MYOCD: variants seen among roughly 807,000 people sequenced by gnomAD.
MYOCD encodes the protein myocardin.
MYOCD carries 32 observed loss-of-function variants against 96.1 expected under a neutral mutation model. The ratio of observed to expected loss-of-function variants is 0.33; its 90% confidence interval spans 0.25 to 0.45. The LOEUF (loss-of-function observed/expected upper bound fraction) is 0.45, where lower values mean the gene tolerates loss of function less well. MYOCD is among the 20% of genes least tolerant of loss of function. The probability of loss-of-function intolerance (pLI) is 1.00; values close to 1 mark genes in which losing one functional copy is unlikely to be tolerated. For synonymous variants in MYOCD, 469 were observed against 469.0 expected (o/e 1.00, Z 0.00); for missense variants, 1,133 against 1,200.6 (o/e 0.94, Z 0.83).
chr17:12,666,011 G>T lies in MYOCD; in HGVS notation c.-178G>T, dbSNP rs928787729. The T allele has an allele frequency of 1.1e-5, 6 of 552,116 alleles. No homozygotes were observed. Among genetic ancestry groups the T allele is most frequent in the Admixed American group, 3.3e-5 (1 of 30,700 alleles). The allele number at this position is 552,116 out of a possible 1,614,324, so 34.2% of individuals were successfully genotyped here. A position where few individuals can be genotyped will look rare whatever the true frequency, so the allele number is the denominator to read the frequency against. Reference sequence around the variant, plus strand: ...GTTAATTAGCCCCGCACGGCGAGGGGGGAGGCGCCAGTTTTCTGGGGACAC... The same window carrying T: ...GTTAATTAGCCCCGCACGGCGAGGGTGGAGGCGCCAGTTTTCTGGGGACAC... On this transcript the variant is annotated 5_prime_UTR_variant, in exon 1 of 14. Coordinates refer to ENST00000425538, the MANE Select transcript of MYOCD (RefSeq NM_001146312.3).
rs1027096882 is a variant in MYOCD, at chr17:12,764,868, C to G, written c.*1224C>G. 6 of 152,170 alleles carry G rather than the reference C, an allele frequency of 3.9e-5. No individual in the cohort carries two copies. Among genetic ancestry groups the G allele is most frequent in the Non-Finnish European group, 4.4e-5 (3 of 68,038 alleles). 9.4% of individuals were successfully genotyped at this position (152,170 alleles called of 1,614,324 possible). Reference sequence around the variant, plus strand: ...CTGGAGAACTCATTCTCCACACGCACAGTTTGCTGCAAAAGGAAGTTGCAA... The same window carrying G: ...CTGGAGAACTCATTCTCCACACGCAGAGTTTGCTGCAAAAGGAAGTTGCAA... On this transcript the variant is annotated 3_prime_UTR_variant, in exon 14 of 14. Transcript: ENST00000425538.
intron 7 of MYOCD, among the ~76,000 whole-genome samples, chr17:12,741,714 TATAA>T (rs1567594462): frequency 2.8e-5 from 4 of 144,336 alleles, no homozygotes; most frequent in South Asian, 4.3e-4. Context: ...TGTATATATA[TATAA>T]AAAAAAAAAA....
In MYOCD at chr17:12,744,300, C is replaced by G. The variant is rs753122556; in HGVS notation, c.835C>G (p.Pro279Ala). 1 of 1,614,184 alleles carries G rather than the reference C, an allele frequency of 6.2e-7. No individual in the cohort carries two copies. The highest frequency in any genetic ancestry group is 8.5e-7 in the Non-Finnish European group (1 of 1,180,030). The part of the protein sequence containing the change: ...IPPDQKAEKS[P>A]PPMDSAYARL... Reference sequence around the variant, plus strand: ...CCCAGACCAGAAGGCAGAGAAGTCCCCTCCACCTATGGACTCAGCCTACGC... The same window carrying G: ...CCCAGACCAGAAGGCAGAGAAGTCCGCTCCACCTATGGACTCAGCCTACGC... Residue 279 changes from proline to alanine, a missense_variant, in exon 8 of 14, where the codon CCT becomes GCT. Physicochemically the swap from Pro to Ala is conservative, Grantham distance 27. Coordinates refer to ENST00000425538, the MANE Select transcript of MYOCD (RefSeq NM_001146312.3).
At chr17:12,755,668 T>C (rs557556033) in intron 10 of MYOCD, among the ~76,000 whole-genome samples, 51 of 152,124 alleles carry the variant, frequency 3.4e-4, no homozygotes, top group Non-Finnish European at 2.5e-4. Flanking sequence ...GGTCAGGAGA[T>C]AGAGACCAGC....
In MYOCD at chr17:12,763,543, G is replaced by A. The variant is rs370289662; in HGVS notation, c.2860G>A (p.Ala954Thr). Residue 954 changes from alanine (A) to threonine (T), a missense_variant, in exon 14 of 14, where the codon GCC (alanine) becomes ACC (threonine). Transcript: ENST00000425538. ...TPPNSTPGFS[A>T]LTTSSPSIFN... Reference sequence around the variant, plus strand: ...GCCAAATTCCACACCAGGCTTTAGCGCCCTCACCACCAGCAGCCCCAGCAT... The same window carrying A: ...GCCAAATTCCACACCAGGCTTTAGCACCCTCACCACCAGCAGCCCCAGCAT... 8.7e-6 allele frequency: 14 copies of A among 1,614,008 alleles called. No homozygotes were observed. The highest frequency in any genetic ancestry group is 4.0e-5 in the African/African-American group (3 of 74,920).
intron 1 of MYOCD, among the ~76,000 whole-genome samples, chr17:12,669,355 C>G (rs2150624768): frequency 6.6e-6 from 1 of 152,296 alleles, no homozygotes; most frequent in South Asian, 2.1e-4. Context: ...TTCTCTCTCT[C>G]TCTTTCCCAC....
chr17:12,731,864 C>T (rs1426952341), intron 5 of MYOCD, among the ~76,000 whole-genome samples: 1 of 152,240 alleles, frequency 6.6e-6, no homozygotes, highest in Non-Finnish European at 1.5e-5. Flanking sequence ...AGGTTTTTCC[C>T]ATCAACAGCG....
In MYOCD at chr17:12,753,146, C is replaced by G. The variant is rs765579659; in HGVS notation, c.1858C>G (p.Gln620Glu). 6.2e-7 allele frequency: 1 copy of G among 1,614,168 alleles called. No individual in the cohort carries two copies. Among genetic ancestry groups the G allele is most frequent in the South Asian group, 1.1e-5 (1 of 91,072 alleles). Residue 620 changes from glutamine to glutamate, a missense_variant, in exon 10 of 14, where the codon CAA (glutamine) becomes GAA (glutamate). Coordinates refer to ENST00000425538, the MANE Select transcript of MYOCD (RefSeq NM_001146312.3). ...GNAHCVESSD[Q>E]TNVLSSTFLS... ...TGCTCATTGTGTGGAGTCCTCAGAT[C>G]AAACCAATGTACTTTCTTCCACATT... is the stretch of plus-strand genomic sequence containing the variant.
At chr17:12,690,284 TATA>T (rs1371786756) in intron 1 of MYOCD, among the ~76,000 whole-genome samples, 13 of 152,190 alleles carry the variant, frequency 8.5e-5, no homozygotes, top group African/African-American at 2.9e-4. Flanking sequence ...CATTAAAAAA[TATA>T]ATGAGATACC....
intron 1 of MYOCD, among the ~76,000 whole-genome samples, chr17:12,682,544 A>G (rs1910536655): frequency 6.6e-6 from 1 of 152,236 alleles, no homozygotes; most frequent in Admixed American, 6.5e-5. Context: ...GTAAAAGACT[A>G]AATTATAAAC....
At chr17:12,683,252 C>A (rs1293824515) in intron 1 of MYOCD, among the ~76,000 whole-genome samples, 1 of 152,114 alleles carries the variant, frequency 6.6e-6, no homozygotes, top group Non-Finnish European at 1.5e-5. Context: ...ATCCTCAGAA[C>A]AAAAACTAGG....
chr17:12,699,990 A>G (rs948195592), intron 1 of MYOCD, among the ~76,000 whole-genome samples: 1 of 145,154 alleles, frequency 6.9e-6, no homozygotes, highest in Non-Finnish European at 1.5e-5. Flanking sequence ...GCTCACTGCA[A>G]CCTCTGCCTC....
intron 10 of MYOCD, among the ~76,000 whole-genome samples, chr17:12,756,043 A>G (rs971009975): frequency 1.3e-5 from 2 of 152,154 alleles, no homozygotes; most frequent in Non-Finnish European, 2.9e-5. Context: ...TGTCACGTTA[A>G]AAAGTAGAGG....
intron 5 of MYOCD, among the ~76,000 whole-genome samples, chr17:12,723,985 G>A (rs2031923303): frequency 6.6e-6 from 1 of 152,176 alleles, no homozygotes; most frequent in South Asian, 2.1e-4. Context: ...TGGTAAATAT[G>A]AAAATATCAA....
At chr17:12,738,748 A>G (rs2032419081) in intron 6 of MYOCD, among the ~76,000 whole-genome samples, 1 of 151,578 alleles carries the variant, frequency 6.6e-6, no homozygotes, top group African/African-American at 2.4e-5. Context: ...CCAAATTCCT[A>G]CACTCACTCT....
intron 5 of MYOCD, among the ~76,000 whole-genome samples, chr17:12,733,784 T>C (rs2032251494): frequency 6.6e-6 from 1 of 151,526 alleles, no homozygotes; most frequent in Non-Finnish European, 1.5e-5. Context: ...AGAGAATCAC[T>C]TAAACCTCGG....
Position 12,763,398 on chromosome 17 carries a change from G to C in MYOCD, c.2715G>C (p.Leu905Phe). ...AEDLFNAHEILPGPLSPMQTQ... is the reference protein window; with the variant it reads ...AEDLFNAHEIFPGPLSPMQTQ... The stretch of plus-strand genomic sequence containing the variant: ...ACCTCTTCAATGCACATGAGATCTT[G>C]CCAGGCCCCCTCTCTCCAATGCAGA... The change falls in exon 14 of 14, where the codon TTG becomes TTC. Residue 905 changes from leucine to phenylalanine, a missense_variant. Coordinates refer to ENST00000425538, the MANE Select transcript of MYOCD (RefSeq NM_001146312.3). 6.2e-7 allele frequency: 1 copy of C among 1,604,736 alleles called. No individual in the cohort carries two copies. Among genetic ancestry groups the C allele is most frequent in the Non-Finnish European group, 8.5e-7 (1 of 1,174,520 alleles).
intron 5 of MYOCD, among the ~76,000 whole-genome samples, chr17:12,726,550 T>C (rs928519712): frequency 1.3e-5 from 2 of 152,146 alleles, no homozygotes; most frequent in East Asian, 3.9e-4. Flanking sequence ...ACAGTACAAA[T>C]GGCTGAGAAA....
chr17:12,729,876 GGTAT>G (rs2032114067), intron 5 of MYOCD, among the ~76,000 whole-genome samples: 2 of 152,120 alleles, frequency 1.3e-5, no homozygotes, highest in African/African-American at 2.4e-5. Context: ...ACGCAGGGCA[GGTAT>G]TTACACAGGT....
Sources: allele counts gnomAD v4.1 joint callset (sites outside exome capture counted in the v4.1 genomes callset), GRCh38; gene constraint gnomAD v4.1.1; transcripts MANE v1.5; gene names NCBI Gene and HGNC (gene_info 2026-07-23, HGNC 2026-07-21).